CFAP61: variants seen among roughly 807,000 people sequenced by gnomAD.
CFAP61 encodes the protein cilia and flagella associated protein 61, also known as cilia- and flagella-associated protein 61.
CFAP61 carries 107 observed loss-of-function variants against 135.6 expected under a neutral mutation model. The ratio of observed to expected loss-of-function variants is 0.79; its 90% confidence interval spans 0.67 to 0.93. The LOEUF (loss-of-function observed/expected upper bound fraction) is 0.93, where lower values mean the gene tolerates loss of function less well. Among genes scored for constraint, CFAP61 ranks in the 40% least tolerant of loss-of-function variants. The pLI is 0.00. For synonymous variants in CFAP61, 575 were observed against 578.5 expected (o/e 0.99, Z 0.09); for missense variants, 1,507 against 1,556.2 (o/e 0.97, Z 0.53).
rs1386251142 is a variant in CFAP61, at chr20:20,199,825, C to T, written c.1855C>T (p.Arg619Ter). 3.7e-6 allele frequency: 6 copies of T among 1,614,128 alleles called. No homozygotes were observed. The highest frequency in any genetic ancestry group is 4.2e-6 in the Non-Finnish European group (5 of 1,180,002). The change falls in exon 17 of 27, where the codon CGA (arginine) becomes TGA (stop). Residue 619 changes from arginine to a stop codon, truncating the protein, a stop_gained. Transcript: ENST00000245957. LOFTEE classifies it high-confidence loss of function. ...TGCCCTTCATTACTTGGTTCCCGTG[C>T]GACCACGACGACAGATTGTCTATCC... is the stretch of plus-strand genomic sequence containing the variant. ...TSALHYLVPVRPRRQIVYPLE... is the reference protein window; with the variant it reads ...TSALHYLVPV
intron 7 of CFAP61, among the ~76,000 whole-genome samples, chr20:20,094,914 A>G (rs1228172288): frequency 1.3e-5 from 2 of 152,154 alleles, no homozygotes; most frequent in Non-Finnish European, 2.9e-5. Flanking sequence ...GGGGGCTTTT[A>G]GGCAATGGTG....
intron 6 of CFAP61, among the ~76,000 whole-genome samples, chr20:20,075,816 G>A (rs184699379): frequency 6.6e-6 from 1 of 152,160 alleles, no homozygotes; most frequent in Admixed American, 6.5e-5. Context: ...TACTCATTTG[G>A]TTCTATGTGG....
At chr20:20,197,999 G>A (rs2056405426) in intron 16 of CFAP61, among the ~76,000 whole-genome samples, 1 of 152,222 alleles carries the variant, frequency 6.6e-6, no homozygotes, top group Non-Finnish European at 1.5e-5. Context: ...TTTTGCCAGT[G>A]TATTTTATTT....
At chr20:20,339,752 G>A (rs1207131042) in intron 25 of CFAP61, among the ~76,000 whole-genome samples, 3 of 152,026 alleles carry the variant, frequency 2.0e-5, no homozygotes, top group Non-Finnish European at 4.4e-5. Context: ...CAAAGTGCTG[G>A]GATTGTAGGC....
Position 20,253,144 on chromosome 20 carries a change from ATTTTC to A in CFAP61, c.2328+1400_2328+1404del, listed in dbSNP as rs11472286. Among the ~76,000 whole-genome samples, 62 of 149,940 alleles carry A rather than the reference ATTTTC, an allele frequency of 4.1e-4. No homozygotes were observed. The South Asian group carries it at 4.5e-3, about 11-fold the overall frequency. ...TGGGATGGGGAGCCTGAGATGCTAC[ATTTTC>A]TTTTCTTTTCTTTTCTTTCCTTTTC... On this transcript the variant is annotated intron_variant, in intron 20 of 26. Coordinates refer to ENST00000245957, the MANE Select transcript of CFAP61 (RefSeq NM_015585.4).
rs545458987 is a variant in CFAP61 at position 20,202,469 on chromosome 20, A to G, written c.1932+2567A>G. Among the ~76,000 whole-genome samples, 8 of 152,346 alleles carry G rather than the reference A, an allele frequency of 5.3e-5. No individual in the cohort carries two copies. The South Asian group carries it at 1.7e-3, about 32-fold the overall frequency. On this transcript the variant is annotated intron_variant, in intron 17 of 26. Transcript: ENST00000245957. ...TTTAATCACAGGATTATTTATCGAG[A>G]CCATAATCCCCATGGAATGGGCCTC...
At chr20:20,073,601 G>A (rs1016684347) in intron 3 of CFAP61, among the ~76,000 whole-genome samples, 1 of 152,202 alleles carries the variant, frequency 6.6e-6, no homozygotes, top group African/African-American at 2.4e-5. Context: ...CAGGGGTACC[G>A]AGTTGAGTGG....
At chr20:20,089,641 C>G (rs2047044790) in intron 6 of CFAP61, among the ~76,000 whole-genome samples, 1 of 148,608 alleles carries the variant, frequency 6.7e-6, no homozygotes, top group Non-Finnish European at 1.5e-5. Flanking sequence ...AAAAAGAGCA[C>G]TAAACTTACC....
intron 25 of CFAP61, among the ~76,000 whole-genome samples, chr20:20,309,104 G>A (rs2056658114): frequency 1.3e-5 from 2 of 152,182 alleles, no homozygotes; most frequent in Admixed American, 6.5e-5. Flanking sequence ...ATTGCAAAGA[G>A]ACGCTTTGAA....
intron 18 of CFAP61, among the ~76,000 whole-genome samples, chr20:20,237,746 AC>A: frequency 6.6e-6 from 1 of 152,310 alleles, no homozygotes; most frequent in African/African-American, 2.4e-5. Context: ...TTGTTCTTTT[AC>A]AGTTAGTTGG....
chr20:20,335,667 C>T (rs774663250), intron 25 of CFAP61, among the ~76,000 whole-genome samples: 14 of 152,224 alleles, frequency 9.2e-5, no homozygotes, highest in Non-Finnish European at 1.8e-4. Context: ...TCCATGGAAC[C>T]ACCCTGGCAG....
intron 8 of CFAP61, among the ~76,000 whole-genome samples, chr20:20,130,406 T>C (rs914900176): frequency 6.6e-6 from 1 of 151,832 alleles, no homozygotes; most frequent in Non-Finnish European, 1.5e-5. Flanking sequence ...GCTTTATCAA[T>C]TTGAGAGGAC....
intron 9 of CFAP61, among the ~76,000 whole-genome samples, chr20:20,154,868 C>G (rs2052753352): frequency 6.6e-6 from 1 of 152,088 alleles, no homozygotes; most frequent in African/African-American, 2.4e-5. Flanking sequence ...TCTACAGATT[C>G]AATGCACTTC....
At chr20:20,092,728 C>T (rs1232763449) in intron 7 of CFAP61, among the ~76,000 whole-genome samples, 1 of 152,084 alleles carries the variant, frequency 6.6e-6, no homozygotes, top group Non-Finnish European at 1.5e-5. Context: ...CCAATAAGCA[C>T]ATGAAAAGAC....
chr20:20,114,756 T>A (rs1330560691), intron 8 of CFAP61, among the ~76,000 whole-genome samples: 1 of 152,162 alleles, frequency 6.6e-6, no homozygotes, highest in Non-Finnish European at 1.5e-5. Context: ...GTTTATCTAC[T>A]GGCTAATACC....
At chr20:20,349,667 T>C (rs2058760441) in intron 26 of CFAP61, among the ~76,000 whole-genome samples, 1 of 152,154 alleles carries the variant, frequency 6.6e-6, no homozygotes, top group Non-Finnish European at 1.5e-5. Flanking sequence ...AAGAATAAAA[T>C]ACTTGGGAGC....
chr20:20,143,939 A>G (rs181797187), intron 9 of CFAP61, among the ~76,000 whole-genome samples: 4 of 152,226 alleles, frequency 2.6e-5, no homozygotes, highest in Admixed American at 2.0e-4. Context: ...CCATGCCTGT[A>G]CAAAGTTAGG....
At position 20,169,530 on chromosome 20, in the gene CFAP61, C is replaced by T; in HGVS notation, c.1385+70C>T. ...AGAAGAGAAGGGAACAAGGAACTCC[C>T]TGCTATTATAATTTAATAATTTATT... On this transcript the variant is annotated intron_variant, in intron 13 of 26. Transcript: ENST00000245957. 3.8e-6 allele frequency: 5 copies of T among 1,311,286 alleles called. No individual in the cohort carries two copies. The South Asian group carries it at 6.4e-5, about 17-fold the overall frequency. The allele number at this position is 1,311,286 out of a possible 1,614,324, so 81.2% of individuals were successfully genotyped here. A position where few individuals can be genotyped will look rare whatever the true frequency, so the allele number is the denominator to read the frequency against.
intron 9 of CFAP61, among the ~76,000 whole-genome samples, chr20:20,147,432 G>A (rs954192939): frequency 3.9e-5 from 6 of 152,172 alleles, no homozygotes; most frequent in Non-Finnish European, 8.8e-5. Context: ...TTTAATTGTG[G>A]CCATTCTTGC....
Sources: gnomAD v4.1 joint callset for allele counts (sites outside exome capture counted in the v4.1 genomes callset) on GRCh38, gnomAD v4.1.1 for gene constraint, MANE v1.5 for transcripts, NCBI Gene and HGNC (gene_info 2026-07-23, HGNC 2026-07-21) for gene names.